PLCL1: variants seen among roughly 807,000 people sequenced by gnomAD.
PLCL1 encodes the protein phospholipase C like 1 (inactive).
In PLCL1, 41 loss-of-function variants were observed where a neutral mutation model predicts 84.4. That is an observed-to-expected ratio of 0.49 (90% CI 0.38 to 0.63). The LOEUF is 0.63. PLCL1 is among the 30% of genes least tolerant of loss of function. PLCL1 has a pLI of 0.00. For synonymous variants in PLCL1, 490 were observed against 488.3 expected, an observed-to-expected ratio of 1.00 and a Z score of -0.05; for missense variants, 1,206 against 1,367.8, an observed-to-expected ratio of 0.88 and a Z score of 1.87.
chr2:197,843,965 A>G (rs1313880807), intron 1 of PLCL1, among the ~76,000 whole-genome samples: 1 of 152,130 alleles, frequency 6.6e-6, no homozygotes, highest in Non-Finnish European at 1.5e-5. Flanking sequence ...TTGAGGGAAC[A>G]TGTATTGGTT....
chr2:198,012,052 G>A (rs1690879710), intron 1 of PLCL1, among the ~76,000 whole-genome samples: 1 of 145,138 alleles, frequency 6.9e-6, no homozygotes. Context: ...TCAATTGTAT[G>A]AGACAGAACA....
At chr2:197,886,512 A>C (rs1417389150) in intron 1 of PLCL1, among the ~76,000 whole-genome samples, 1 of 150,866 alleles carries the variant, frequency 6.6e-6, no homozygotes, top group Non-Finnish European at 1.5e-5. Context: ...AAATAAACCT[A>C]GTGCATCTCC....
At chr2:198,009,524 A>G (rs1258939017) in intron 1 of PLCL1, among the ~76,000 whole-genome samples, 3 of 151,746 alleles carry the variant, frequency 2.0e-5, no homozygotes, top group Non-Finnish European at 4.4e-5. Flanking sequence ...TGGGCTCTCT[A>G]TTTTACTCCG....
At chr2:197,840,110 G>A (rs895335682) in intron 1 of PLCL1, among the ~76,000 whole-genome samples, 12 of 152,232 alleles carry the variant, frequency 7.9e-5, no homozygotes, top group Admixed American at 3.3e-4. Flanking sequence ...TAAGGAAAGA[G>A]TGTATCTTAA....
At chr2:197,941,295 A>ATT (rs34230346) in intron 1 of PLCL1, among the ~76,000 whole-genome samples, 5 of 143,760 alleles carry the variant, frequency 3.5e-5, no homozygotes, top group African/African-American at 1.0e-4. Flanking sequence ...GGGGAATACT[A>ATT]TTTTTTTTTT....
chr2:197,886,411 C>A (rs1421274007), intron 1 of PLCL1, among the ~76,000 whole-genome samples: 2 of 77,112 alleles, frequency 2.6e-5, no homozygotes. Context: ...GACTCTGTCT[C>A]AAAAAAAAAA....
intron 1 of PLCL1, among the ~76,000 whole-genome samples, chr2:197,900,903 A>C (rs1250881266): frequency 6.6e-6 from 1 of 152,180 alleles, no homozygotes; most frequent in Non-Finnish European, 1.5e-5. Flanking sequence ...TCCTGTCTAC[A>C]GTGATTTTTC....
At chr2:197,871,819 A>G (rs896077604) in intron 1 of PLCL1, among the ~76,000 whole-genome samples, 7 of 152,122 alleles carry the variant, frequency 4.6e-5, no homozygotes, top group Non-Finnish European at 8.8e-5. Flanking sequence ...GCTCTGGTTA[A>G]CACACAACCA....
chr2:197,947,237 A>AATATAT (rs55700681), intron 1 of PLCL1, among the ~76,000 whole-genome samples: 13,760 of 142,520 alleles, frequency 0.097, 738 homozygotes, highest in African/African-American at 0.13. Context: ...TGCTTAGATA[A>AATATAT]ATATATATAT....
At chr2:198,126,961 G>T (rs755619887) in intron 5 of PLCL1, among the ~76,000 whole-genome samples, 3 of 151,242 alleles carry the variant, frequency 2.0e-5, no homozygotes, top group African/African-American at 7.3e-5. Flanking sequence ...AGGGACGCTG[G>T]TTTTAGCTAG....
At chr2:197,828,614 G>C (rs1690984344) in intron 1 of PLCL1, among the ~76,000 whole-genome samples, 1 of 152,042 alleles carries the variant, frequency 6.6e-6, no homozygotes, top group Non-Finnish European at 1.5e-5. Flanking sequence ...CAATGTCAAA[G>C]GAAATTTTGT....
chr2:198,142,809 T>C (rs1694421242), intron 5 of PLCL1, among the ~76,000 whole-genome samples: 1 of 152,126 alleles, frequency 6.6e-6, no homozygotes, highest in Non-Finnish European at 1.5e-5. Flanking sequence ...TTTTTTTTTT[T>C]CATGAAGGAT....
chr2:197,944,624 C>T (rs181491884), intron 1 of PLCL1, among the ~76,000 whole-genome samples: 2 of 152,316 alleles, frequency 1.3e-5, no homozygotes, highest in South Asian at 2.1e-4. Flanking sequence ...TGTGAGGTCA[C>T]TGCAAAGTTG....
chr2:198,114,221 C>A (rs1339048256), intron 5 of PLCL1, among the ~76,000 whole-genome samples: 2 of 151,822 alleles, frequency 1.3e-5, no homozygotes, highest in Non-Finnish European at 1.5e-5. Flanking sequence ...CAGATTTCTG[C>A]CTTGGGTGGC....
At chr2:197,937,780 A>C (rs1689079685) in intron 1 of PLCL1, among the ~76,000 whole-genome samples, 1 of 152,230 alleles carries the variant, frequency 6.6e-6, no homozygotes, top group South Asian at 2.1e-4. Context: ...GGTGCTTTAC[A>C]AAAGGATTAA....
intron 5 of PLCL1, among the ~76,000 whole-genome samples, chr2:198,130,387 T>A (rs1694091463): frequency 6.6e-6 from 1 of 152,172 alleles, no homozygotes; most frequent in Non-Finnish European, 1.5e-5. Context: ...CACTCCACCT[T>A]CTGTCCCTGG....
intron 5 of PLCL1, among the ~76,000 whole-genome samples, chr2:198,111,024 A>G (rs1693607387): frequency 6.6e-6 from 1 of 151,876 alleles, no homozygotes; most frequent in Non-Finnish European, 1.5e-5. Context: ...ATTGAGAAAC[A>G]GCAGGCAAAG....
chr2:197,917,289 T>C (rs552507311), intron 1 of PLCL1, among the ~76,000 whole-genome samples: 5 of 152,304 alleles, frequency 3.3e-5, no homozygotes, highest in East Asian at 1.9e-4. Context: ...TTGTGGTATA[T>C]CATAAAATAA....
chr2:197,967,521 T>C (rs902047573), intron 1 of PLCL1, among the ~76,000 whole-genome samples: 3 of 152,224 alleles, frequency 2.0e-5, no homozygotes, highest in African/African-American at 7.2e-5. Flanking sequence ...GTAATTAGAA[T>C]TGAAATAATC....
Sources: allele counts gnomAD v4.1 joint callset (sites outside exome capture counted in the v4.1 genomes callset), GRCh38; gene constraint gnomAD v4.1.1; transcripts MANE v1.5; gene names NCBI Gene and HGNC (gene_info 2026-07-23, HGNC 2026-07-21).